EDA: variants seen among roughly 807,000 people sequenced by gnomAD.
EDA encodes the protein ectodysplasin-A.
A neutral mutation model predicts 23.6 loss-of-function variants in EDA; 2 were observed. That is an observed-to-expected ratio of 0.08 (90% confidence interval 0.03 to 0.27). EDA has a LOEUF of 0.27. Ranked by LOEUF, EDA falls within the 10% of genes least tolerant of loss-of-function variation. The pLI, the probability that EDA is intolerant of heterozygous loss-of-function variation, is 1.00. For synonymous variants in EDA, 131 were observed against 132.0 expected (o/e 0.99, Z 0.05); for missense variants, 229 against 324.2 (o/e 0.71, Z 2.26).
intron 1 of EDA, among the ~76,000 whole-genome samples, chrX:69,638,903 A>G (rs1271482515): frequency 9.1e-6 from 1 of 109,547 alleles, no homozygotes; most frequent in Admixed American, 9.8e-5. Context: ...CCAAATGGAA[A>G]CTCTTTCTAC....
At chrX:69,683,536 G>A (rs1934446329) in intron 1 of EDA, among the ~76,000 whole-genome samples, 1 of 110,729 alleles carries the variant, frequency 9.0e-6, no homozygotes, top group Non-Finnish European at 1.9e-5. Flanking sequence ...TCATTTCTTT[G>A]AATTCCCATA....
intron 1 of EDA, among the ~76,000 whole-genome samples, chrX:69,781,506 A>G (rs2014942791): frequency 8.9e-6 from 1 of 112,024 alleles, no homozygotes; most frequent in Admixed American, 9.5e-5. Context: ...TTGAATAGTT[A>G]TGATACAGAC....
In EDA at chrX:69,920,948, CTATTTATTTATT is replaced by C. The variant is rs4007732; in HGVS notation, c.397-36051_397-36040del. On this transcript the variant is annotated intron_variant, in intron 1 of 7. Transcript: ENST00000374552. ...TGCAGTTGATCTGCCTATTCTGACA[CTATTTATTTATT>C]TATTTATTTATTTATTTATTTATTT... 1.0e-3 allele frequency among the ~76,000 whole-genome samples: 105 copies of C among 100,468 alleles called. No individual in the cohort carries two copies. In the South Asian group the frequency reaches 0.015, roughly 15 times the overall value. The allele number at this position is 100,468 out of a possible 115,157, so 87.2% of individuals were successfully genotyped here. A position where few individuals can be genotyped will look rare whatever the true frequency, so the allele number is the denominator to read the frequency against.
At chrX:69,902,976 T>C (rs2018119569) in intron 1 of EDA, among the ~76,000 whole-genome samples, 1 of 111,962 alleles carries the variant, frequency 8.9e-6, no homozygotes, top group Admixed American at 9.5e-5. Flanking sequence ...TCTTTTTGGG[T>C]GAAAGAGGAA....
At position 69,747,724 on chromosome X, in the gene EDA, T is replaced by G. The variant is rs1488104028; in HGVS notation, c.396+131020T>G. Among the ~76,000 whole-genome samples, 3 of 111,929 alleles carry G rather than the reference T, an allele frequency of 2.7e-5. No homozygotes were observed. The East Asian group carries it at 8.5e-4, about 32-fold the overall frequency. The stretch of plus-strand genomic sequence containing the variant: ...AATTTGAAGATAGAGTCAACAGGGC[T>G]TGCCCATGGGTTAGATGGGGGGATA... On this transcript the variant is annotated intron_variant, in intron 1 of 7. Coordinates refer to ENST00000374552, the MANE Select transcript of EDA (RefSeq NM_001399.5).
chrX:69,956,402 T>C (rs2019007043), intron 1 of EDA, among the ~76,000 whole-genome samples: 1 of 102,382 alleles, frequency 9.8e-6, no homozygotes, highest in African/African-American at 3.6e-5. Context: ...AGTGCAGTGG[T>C]GCGACCTCAG....
intron 1 of EDA, among the ~76,000 whole-genome samples, chrX:69,782,589 G>C (rs771177021): frequency 9.0e-6 from 1 of 110,895 alleles, no homozygotes; most frequent in Non-Finnish European, 1.9e-5. Flanking sequence ...TCATTATGGA[G>C]GAGCTTTCCT....
chrX:69,869,974 G>T (rs2017541803), intron 1 of EDA, among the ~76,000 whole-genome samples: 1 of 111,587 alleles, frequency 9.0e-6, no homozygotes. Context: ...TCAGTCAAGG[G>T]TATAGCTTCT....
chrX:69,715,467 A>C (rs755360537), intron 1 of EDA, among the ~76,000 whole-genome samples: 2 of 111,966 alleles, frequency 1.8e-5, no homozygotes, highest in African/African-American at 6.5e-5. Context: ...TATATGTACC[A>C]CATTTTCTTT....
At chrX:69,847,557 A>G (rs972376318) in intron 1 of EDA, among the ~76,000 whole-genome samples, 1 of 111,594 alleles carries the variant, frequency 9.0e-6, no homozygotes, top group Admixed American at 9.6e-5. Flanking sequence ...TATATACAGC[A>G]TGTAACCGCT....
At chrX:69,859,148 G>A in intron 1 of EDA, among the ~76,000 whole-genome samples, 1 of 110,372 alleles carries the variant, frequency 9.1e-6, no homozygotes, top group Middle Eastern at 4.2e-3. Context: ...TTAGCTAGTG[G>A]TATGTCTATT....
At chrX:69,630,792 G>C (rs371943459) in intron 1 of EDA, among the ~76,000 whole-genome samples, 1 of 111,383 alleles carries the variant, frequency 9.0e-6, no homozygotes, top group East Asian at 2.8e-4. Context: ...TTTTCAAATC[G>C]TGCTTTTATG....
chrX:69,857,423 T>C (rs1367387421), intron 1 of EDA, among the ~76,000 whole-genome samples: 2 of 111,529 alleles, frequency 1.8e-5, no homozygotes, highest in Admixed American at 1.9e-4. Flanking sequence ...GGTATTGTTA[T>C]GGGAATTGCA....
chrX:69,897,002 A>G lies in EDA; in HGVS notation c.397-60025A>G, dbSNP rs572762273. Among the ~76,000 whole-genome samples, 4 of 111,721 alleles carry G rather than the reference A, an allele frequency of 3.6e-5. No individual in the cohort carries two copies. In the South Asian group the frequency reaches 1.5e-3, roughly 42 times the overall value. ...ATATATTTTTCACTCTTGCTTTGAA[A>G]TAACAGGATTTTTCTAAGGTAAATG... On this transcript the variant is annotated intron_variant, in intron 1 of 7. Transcript: ENST00000374552.
intron 1 of EDA, among the ~76,000 whole-genome samples, chrX:69,879,589 T>C (rs2017711380): frequency 1.8e-5 from 2 of 111,851 alleles, no homozygotes; most frequent in Non-Finnish European, 3.8e-5. Flanking sequence ...ATAATGGAAA[T>C]GCTTATAACT....
intron 1 of EDA, among the ~76,000 whole-genome samples, chrX:69,936,934 T>TTTG (rs891341439): frequency 3.6e-5 from 4 of 110,910 alleles, no homozygotes; most frequent in African/African-American, 9.8e-5. Context: ...AATGTGTTTT[T>TTTG]TTGTTGTTGT....
At chrX:69,870,253 C>CT (rs1242598762) in intron 1 of EDA, among the ~76,000 whole-genome samples, 11 of 111,802 alleles carry the variant, frequency 9.8e-5, no homozygotes, top group Non-Finnish European at 2.1e-4. Context: ...TGATCCAACT[C>CT]TATGTTTCTT....
At chrX:69,926,801 G>A (rs760767975) in intron 1 of EDA, among the ~76,000 whole-genome samples, 8 of 111,783 alleles carry the variant, frequency 7.2e-5, no homozygotes, top group Admixed American at 1.9e-4. Flanking sequence ...AAGTCTCTTC[G>A]AAGGTCTCTA....
chrX:69,863,042 GA>G (rs59012644), intron 1 of EDA, among the ~76,000 whole-genome samples: 1,950 of 92,929 alleles, frequency 0.021, 33 homozygotes, highest in African/African-American at 0.067. Context: ...TTTATTTTCT[GA>G]AAAAAAAAAA....
Sources: gnomAD v4.1 joint callset for allele counts (sites outside exome capture counted in the v4.1 genomes callset) on GRCh38, gnomAD v4.1.1 for gene constraint, MANE v1.5 for transcripts, NCBI Gene and HGNC (gene_info 2026-07-23, HGNC 2026-07-21) for gene names.